SAMD12: variants seen among roughly 807,000 people sequenced by gnomAD.
SAMD12 encodes sterile alpha motif domain-containing protein 12.
Under a neutral mutation model 15.0 loss-of-function variants are expected in SAMD12, and 9 were observed. The observed-to-expected ratio is 0.60, with a 90% CI of 0.36 to 1.05. The LOEUF (loss-of-function observed/expected upper bound fraction) is 1.05, where lower values mean the gene tolerates loss of function less well. Ranked by LOEUF, SAMD12 falls within the 50% of genes least tolerant of loss-of-function variation. The probability of loss-of-function intolerance (pLI) is 0.01; values close to 1 mark genes in which losing one functional copy is unlikely to be tolerated. For missense variants in SAMD12, 230 were observed against 234.2 expected, an observed-to-expected ratio of 0.98 and a Z score of 0.12; for synonymous variants, 86 against 90.1, an observed-to-expected ratio of 0.96 and a Z score of 0.25.
chr8:118,136,654 T>C, the SAMD12 span, among the ~76,000 whole-genome samples: 2 of 152,280 alleles, frequency 1.3e-5, no homozygotes, highest in Non-Finnish European at 2.9e-5. Context: ...TACTTCAAAG[T>C]TTCCCTTTGA....
chr8:118,434,261 T>C (rs1193800256), intron 3 of SAMD12, among the ~76,000 whole-genome samples: 4 of 152,154 alleles, frequency 2.6e-5, no homozygotes, highest in Admixed American at 2.6e-4. Flanking sequence ...GGCATACATC[T>C]ATTGTGTAGG....
intron 4 of SAMD12, among the ~76,000 whole-genome samples, chr8:118,293,306 G>C (rs1393324326): frequency 2.0e-5 from 3 of 152,210 alleles, no homozygotes; most frequent in East Asian, 1.9e-4. Context: ...TGAGTGTAAA[G>C]TGTTCAGCTG....
chr8:118,168,514 G>A, the SAMD12 span, among the ~76,000 whole-genome samples: 1 of 152,146 alleles, frequency 6.6e-6, no homozygotes, highest in Non-Finnish European at 1.5e-5. Context: ...AACAACCAAA[G>A]CTTCCTTATT....
At chr8:118,387,338 A>G (rs150104912) in intron 3 of SAMD12, among the ~76,000 whole-genome samples, 1 of 152,330 alleles carries the variant, frequency 6.6e-6, no homozygotes, top group African/African-American at 2.4e-5. Context: ...TAGAATGACC[A>G]TGAGAGTCAA....
At chr8:118,415,280 G>A (rs1821622266) in intron 3 of SAMD12, among the ~76,000 whole-genome samples, 1 of 152,086 alleles carries the variant, frequency 6.6e-6, no homozygotes, top group African/African-American at 2.4e-5. Context: ...AGTATTTTTT[G>A]CTTCCATCCA....
chr8:118,398,221 A>AC (rs1820685788), intron 3 of SAMD12, among the ~76,000 whole-genome samples: 1 of 151,298 alleles, frequency 6.6e-6, no homozygotes, highest in African/African-American at 2.4e-5. Flanking sequence ...ACATAGTGAA[A>AC]CCCCATCTCT....
chr8:118,147,830 A>G, the SAMD12 span, among the ~76,000 whole-genome samples: 3 of 151,972 alleles, frequency 2.0e-5, no homozygotes, highest in Non-Finnish European at 2.9e-5. Context: ...GCTCACTGTA[A>G]CCTCAAACTC....
intron 4 of SAMD12, among the ~76,000 whole-genome samples, chr8:118,313,626 T>TA (rs1321496862): frequency 2.0e-5 from 3 of 152,020 alleles, no homozygotes; most frequent in Non-Finnish European, 1.5e-5. Flanking sequence ...AACAAGAGAC[T>TA]AAAAAAAGCA....
chr8:118,546,194 C>A (rs1254156672), intron 2 of SAMD12, among the ~76,000 whole-genome samples: 1 of 152,154 alleles, frequency 6.6e-6, no homozygotes. Context: ...TAAACCAAGC[C>A]TTAGGTGGTC....
chr8:118,323,436 A>G (rs762376372), intron 4 of SAMD12, among the ~76,000 whole-genome samples: 1 of 152,086 alleles, frequency 6.6e-6, no homozygotes, highest in Admixed American at 6.6e-5. Context: ...GAATGAATGC[A>G]TGGATATCTT....
intron 3 of SAMD12, among the ~76,000 whole-genome samples, chr8:118,421,183 T>C (rs1329856434): frequency 6.6e-6 from 1 of 152,196 alleles, no homozygotes; most frequent in Non-Finnish European, 1.5e-5. Context: ...TCTTAGACAT[T>C]TTATGAAAAT....
intron 4 of SAMD12, among the ~76,000 whole-genome samples, chr8:118,202,326 C>A (rs181435784): frequency 6.6e-6 from 1 of 152,108 alleles, no homozygotes; most frequent in Non-Finnish European, 1.5e-5. Context: ...GGAAAAGAAA[C>A]AAAATACCCA....
At chr8:118,334,879 C>T (rs1231272745) in intron 4 of SAMD12, among the ~76,000 whole-genome samples, 1 of 152,186 alleles carries the variant, frequency 6.6e-6, no homozygotes, top group Non-Finnish European at 1.5e-5. Context: ...GGGCATGAGA[C>T]ACCATGCCCG....
At chr8:118,541,919 T>C (rs1265368149) in intron 2 of SAMD12, among the ~76,000 whole-genome samples, 1 of 152,176 alleles carries the variant, frequency 6.6e-6, no homozygotes, top group Non-Finnish European at 1.5e-5. Flanking sequence ...AATTCTGGCC[T>C]TAAGTGATTC....
In SAMD12 at chr8:118,502,044, G is replaced by T. The variant is rs1462314808; in HGVS notation, c.193-62083C>A. Among the ~76,000 whole-genome samples, 5 of 149,294 alleles carry T rather than the reference G, an allele frequency of 3.3e-5. No individual in the cohort carries two copies. In the East Asian group the frequency reaches 9.9e-4, roughly 29 times the overall value. On this transcript the variant is annotated intron_variant, in intron 2 of 3. Coordinates refer to ENST00000314727, the MANE Select transcript of SAMD12 (RefSeq NM_207506.3). ...CAAAAAAAAAAAAAAAAAAAAAGATGCAGATTCTGATTCAGCAGGGCTAGG... is the reference window on the plus strand; with the variant it reads ...CAAAAAAAAAAAAAAAAAAAAAGATTCAGATTCTGATTCAGCAGGGCTAGG...
chr8:118,269,220 C>CTCTG (rs1299970707), intron 4 of SAMD12, among the ~76,000 whole-genome samples: 116 of 123,028 alleles, frequency 9.4e-4, no homozygotes, highest in Admixed American at 2.8e-3. Context: ...CTCTCTCTCT[C>CTCTG]TGTGTGTGTG....
chr8:118,189,803 A>G (rs1055251366), exon 5 of SAMD12: 1 of 152,100 alleles, frequency 6.6e-6, no homozygotes. Flanking sequence ...ATGTTTAGAG[A>G]AAAAAAGTTT....
intron 1 of SAMD12, among the ~76,000 whole-genome samples, chr8:118,594,792 T>C (rs962294041): frequency 6.6e-6 from 1 of 150,968 alleles, no homozygotes; most frequent in Non-Finnish European, 1.5e-5. Context: ...GTTTCAGTAA[T>C]ACAAATGAAT....
chr8:118,214,671 G>A (rs1811913124), intron 4 of SAMD12, among the ~76,000 whole-genome samples: 1 of 152,190 alleles, frequency 6.6e-6, no homozygotes, highest in African/African-American at 2.4e-5. Context: ...AAATCAGAAG[G>A]TAGGGGAAAG....
Sources: allele counts gnomAD v4.1 joint callset (sites outside exome capture counted in the v4.1 genomes callset), GRCh38; gene constraint gnomAD v4.1.1; transcripts MANE v1.5; gene names NCBI Gene and HGNC (gene_info 2026-07-23, HGNC 2026-07-21).